PLA2R1: variants seen among roughly 807,000 people sequenced by gnomAD.
The protein encoded by PLA2R1 is phospholipase A2 receptor 1.
A neutral mutation model predicts 195.9 loss-of-function variants in PLA2R1; 158 were observed. The observed-to-expected ratio is 0.81, with a 90% CI of 0.71 to 0.92. The LOEUF is 0.92. Among genes scored for constraint, PLA2R1 ranks in the 40% least tolerant of loss-of-function variants. The probability of loss-of-function intolerance (pLI) is 0.00; values close to 1 mark genes in which losing one functional copy is unlikely to be tolerated. For synonymous variants in PLA2R1, 586 were observed against 598.2 expected, an observed-to-expected ratio of 0.98 and a Z score of 0.30; for missense variants, 1,626 against 1,764.6, an observed-to-expected ratio of 0.92 and a Z score of 1.41.
rs550475077 is a variant in PLA2R1 at position 159,941,992 on chromosome 2, C to T, written c.4178G>A (p.Gly1393Glu). The change falls in exon 30 of 30, where the codon GGA becomes GAA. Residue 1393 changes from glycine to glutamate, a missense_variant and splice_region_variant. Gly to Glu is a moderately conservative substitution (Grantham distance 98, BLOSUM62 -2). Coordinates refer to ENST00000283243, the MANE Select transcript of PLA2R1 (RefSeq NM_007366.5). ...AAGAGGAATGATGCTGTGACTTGGTCCTGAAAGAAGATATTTTTCTTAAAA... is the reference window on the plus strand; with the variant it reads ...AAGAGGAATGATGCTGTGACTTGGTTCTGAAAGAAGATATTTTTCTTAAAA... ...IHTAEALPEKGPSHSIIPLAV... is the reference protein window; with the variant it reads ...IHTAEALPEKEPSHSIIPLAV... The T allele has an allele frequency of 6.2e-7, 1 of 1,610,808 alleles. No individual in the cohort carries two copies. The highest frequency in any genetic ancestry group is 1.7e-5 in the Admixed American group (1 of 59,642).
Position 159,947,570 on chromosome 2 carries a change from A to T in PLA2R1, c.3710-11T>A. 6.2e-7 allele frequency: 1 copy of T among 1,612,576 alleles called. No homozygotes were observed. ...CAGATTGTCTTGTTTCTGTGAAGAA[A>T]AGCCAGTTATGATTTCAGGGTGGTG... is the stretch of plus-strand genomic sequence containing the variant. On this transcript the variant is annotated splice_polypyrimidine_tract_variant and intron_variant, in intron 25 of 29. Transcript: ENST00000283243.
chr2:160,000,412 T>C (rs1691513324), intron 11 of PLA2R1, among the ~76,000 whole-genome samples: 1 of 152,214 alleles, frequency 6.6e-6, no homozygotes, highest in African/African-American at 2.4e-5. Flanking sequence ...CAGTCAGAGC[T>C]TTTAAAGCAG....
intron 8 of PLA2R1, among the ~76,000 whole-genome samples, chr2:160,019,023 T>A (rs186606019): frequency 6.6e-6 from 1 of 152,200 alleles, no homozygotes; most frequent in Admixed American, 6.5e-5. Context: ...TCAGCAGCTA[T>A]CTTGATCAAA....
rs769255292 is a variant in PLA2R1, at chr2:159,970,138, A to C, written c.2660+10T>G. 5 of 1,566,820 alleles carry C rather than the reference A, an allele frequency of 3.2e-6. No individual in the cohort carries two copies. Among genetic ancestry groups the C allele is most frequent in the Admixed American group, 3.4e-5 (2 of 59,396 alleles). ...AACAAAATTAAATGCAAATGAATCT[A>C]GGTTCATACCGAAATTCATCATTGG... is the stretch of plus-strand genomic sequence containing the variant. On this transcript the variant is annotated intron_variant, in intron 18 of 29. Coordinates refer to ENST00000283243, the MANE Select transcript of PLA2R1 (RefSeq NM_007366.5).
intron 28 of PLA2R1, among the ~76,000 whole-genome samples, chr2:159,942,948 C>T (rs1332934498): frequency 1.3e-5 from 2 of 151,642 alleles, no homozygotes; most frequent in Non-Finnish European, 2.9e-5. Context: ...AATAGCAAAA[C>T]CATACTTTTA....
Position 160,042,075 on chromosome 2 carries a change from G to A in PLA2R1, c.617C>T (p.Thr206Met), listed in dbSNP as rs778956477. The change falls in exon 3 of 30, where the codon ACG becomes ATG. Residue 206 changes from threonine (T) to methionine (M), a missense_variant. Physicochemically the swap from Thr to Met is moderately conservative, Grantham distance 81. Coordinates refer to ENST00000283243, the MANE Select transcript of PLA2R1 (RefSeq NM_007366.5). ...TTCATCTCTTTCATAACGGCTTGTC[G>A]TGGCACACCACAGTAAGTCATCTTC... is the stretch of plus-strand genomic sequence containing the variant. ...GREDDLLWCA[T>M]TSRYERDEKW... The A allele has an allele frequency of 1.2e-6, 2 of 1,614,086 alleles. No homozygotes were observed. The highest frequency in any genetic ancestry group is 1.3e-5 in the African/African-American group (1 of 75,036).
At chr2:159,942,246 T>C (rs1687127052) in intron 28 of PLA2R1, 87 bp from the exon 29 acceptor site, 1 of 961,432 alleles carries the variant, frequency 1.0e-6, no homozygotes, top group Admixed American at 1.9e-5. Context: ...CAGCAAACTA[T>C]GGCCCATGAC....
intron 1 of PLA2R1, among the ~76,000 whole-genome samples, chr2:160,058,446 C>G (rs1695718870): frequency 6.6e-6 from 1 of 152,170 alleles, no homozygotes; most frequent in Admixed American, 6.5e-5. Context: ...TCTTTCCACT[C>G]CTGCTCTGGG....
rs573693949 is a variant in PLA2R1, at chr2:160,031,714, C to CT, written c.841+1244dup. ...CCTGAGCAGGTGGTTAAATCACTTG[C>CT]TTGTATCACTGTGCAATAGCTGCCA... On this transcript the variant is annotated intron_variant, in intron 4 of 29. Coordinates refer to ENST00000283243, the MANE Select transcript of PLA2R1 (RefSeq NM_007366.5). 2.6e-5 allele frequency among the ~76,000 whole-genome samples: 4 copies of CT among 152,188 alleles called. 1 individual carries two copies. In the South Asian group the frequency reaches 8.3e-4, roughly 32 times the overall value.
rs1312393516 is a variant in PLA2R1, at chr2:160,013,268, T to G, written c.1659A>C (p.Thr553=). The G allele has an allele frequency of 6.4e-7, 1 of 1,560,760 alleles. No homozygotes were observed. The highest frequency in any genetic ancestry group is 1.7e-4 in the Middle Eastern group (1 of 5,974). ...YYCPPALVTI[T]NRFEQAFITS... is the part of the protein sequence containing the mutation. ...TTAAAAAAAGTTTAATTTACCTGTT[T>G]GTAATGGTTACAAGTGCAGGAGGAC... Residue 553 remains threonine (T), a synonymous_variant, in exon 10 of 30, where the codon ACA becomes ACC. Coordinates refer to ENST00000283243, the MANE Select transcript of PLA2R1 (RefSeq NM_007366.5).
chr2:160,030,003 A>G (rs182340396), intron 4 of PLA2R1, among the ~76,000 whole-genome samples: 10 of 152,306 alleles, frequency 6.6e-5, no homozygotes, highest in Admixed American at 6.5e-4. Flanking sequence ...TTTCCTGGAA[A>G]ACTCATGGTT....
chr2:159,997,337 C>T (rs1045574866), intron 11 of PLA2R1, among the ~76,000 whole-genome samples: 2 of 151,990 alleles, frequency 1.3e-5, no homozygotes, highest in African/African-American at 4.8e-5. Flanking sequence ...CTTTCCATCA[C>T]GTGAAAGGAT....
rs1487114735 is a variant in PLA2R1, at chr2:159,976,219, G to A, written c.2444C>T (p.Pro815Leu). The A allele has an allele frequency of 1.3e-6, 2 of 1,597,128 alleles. No homozygotes were observed. The highest frequency in any genetic ancestry group is 2.7e-5 in the African/African-American group (2 of 73,962). Residue 815 changes from proline (P) to leucine (L), a missense_variant, in exon 17 of 30, where the codon CCC becomes CTC. Physicochemically the swap from Pro to Leu is moderately conservative, Grantham distance 98. Coordinates refer to ENST00000283243, the MANE Select transcript of PLA2R1 (RefSeq NM_007366.5). ...KIPFWYQYDV[P>L]WLFYQDAEYL... ...TTCTGCATCCTGATAAAAGAGCCAG[G>A]GTACATCTGAAAAAGAAACAGTGAA... is the stretch of plus-strand genomic sequence containing the variant.
At chr2:159,970,683 G>A (rs1457087274) in intron 17 of PLA2R1, among the ~76,000 whole-genome samples, 3 of 152,138 alleles carry the variant, frequency 2.0e-5, no homozygotes, top group African/African-American at 4.8e-5. Context: ...GCTTTAAGCA[G>A]TATAAGCTTT....
intron 4 of PLA2R1, among the ~76,000 whole-genome samples, chr2:160,029,177 C>T (rs1279023991): frequency 2.0e-5 from 3 of 152,138 alleles, no homozygotes; most frequent in East Asian, 3.9e-4. Context: ...ACTGTGAATG[C>T]TTCATGCAAG....
In PLA2R1 at chr2:159,945,349, TC is replaced by T. The variant is rs1312806074; in HGVS notation, c.3968-268del. On this transcript the variant is annotated intron_variant, in intron 27 of 29. Coordinates refer to ENST00000283243, the MANE Select transcript of PLA2R1 (RefSeq NM_007366.5). ...ATCTCCCAATGCTATCCCTCCCTCC[TC>T]CCCCCACCCCACAACAGTCCCCAGA... Among the ~76,000 whole-genome samples, 710 of 122,964 alleles carry T rather than the reference TC, an allele frequency of 5.8e-3. 3 individuals are homozygous for T. Among genetic ancestry groups the T allele is most frequent in the African/African-American group, 0.02 (671 of 32,998 alleles). The allele number at this position is 122,964 out of a possible 152,430, so 80.7% of individuals were successfully genotyped here. A position where few individuals can be genotyped will look rare whatever the true frequency, so the allele number is the denominator to read the frequency against.
chr2:159,969,334 A>T lies in PLA2R1; in HGVS notation c.2686T>A (p.Tyr896Asn), dbSNP rs374219216. ...FRWRDGTPVI[Y>N]QNWDTGRERT... The stretch of plus-strand genomic sequence containing the variant: ...TCTCTTCCTGTGTCCCAGTTCTGGT[A>T]TATCACTGGTGTTCCATCTCTCCAG... The change falls in exon 19 of 30, where the codon TAC becomes AAC. Residue 896 changes from tyrosine (Y) to asparagine (N), a missense_variant. Transcript: ENST00000283243. The T allele has an allele frequency of 4.6e-5, 73 of 1,602,218 alleles. No individual in the cohort carries two copies. The highest frequency in any genetic ancestry group is 6.1e-5 in the Non-Finnish European group (71 of 1,169,558).
chr2:159,955,415 TAA>T lies in PLA2R1; in HGVS notation c.3154-71_3154-70del, dbSNP rs1187304724. ...ATTATTATAACATTAAAATTTTTAT[TAA>T]GACATTATTTTTAAAATTAAGACAC... On this transcript the variant is annotated intron_variant, in intron 22 of 29. Coordinates refer to ENST00000283243, the MANE Select transcript of PLA2R1 (RefSeq NM_007366.5). 63 of 981,076 alleles carry T rather than the reference TAA, an allele frequency of 6.4e-5. 1 individual carries two copies. The Admixed American group carries it at 1.4e-3, about 21-fold the overall frequency. The allele number at this position is 981,076 out of a possible 1,614,324, so 60.8% of individuals were successfully genotyped here.
At chr2:160,041,185 T>C (rs773721500) in intron 3 of PLA2R1, among the ~76,000 whole-genome samples, 23 of 152,230 alleles carry the variant, frequency 1.5e-4, no homozygotes, top group Non-Finnish European at 2.9e-4. Context: ...CTCTTCAACT[T>C]GCTTTTGCTT....
Sources: allele counts gnomAD v4.1 joint callset (sites outside exome capture counted in the v4.1 genomes callset), GRCh38; gene constraint gnomAD v4.1.1; transcripts MANE v1.5; gene names NCBI Gene and HGNC (gene_info 2026-07-23, HGNC 2026-07-21).